UBL7: variants seen among roughly 807,000 people sequenced by gnomAD.
The protein encoded by UBL7 is ubiquitin like 7, also known as ubiquitin-like protein 7.
UBL7 carries 21 observed loss-of-function variants against 41.7 expected under a neutral mutation model. The ratio of observed to expected loss-of-function variants is 0.50; its 90% CI spans 0.36 to 0.73. UBL7 has a LOEUF of 0.73. Ranked by LOEUF, UBL7 falls within the 30% of genes least tolerant of loss-of-function variation. The probability of loss-of-function intolerance (pLI) is 0.00; values close to 1 mark genes in which losing one functional copy is unlikely to be tolerated. For missense variants in UBL7, 403 were observed against 478.4 expected, an observed-to-expected ratio of 0.84 and a Z score of 1.47; for synonymous variants, 157 against 186.9, an observed-to-expected ratio of 0.84 and a Z score of 1.31.
intron 3 of UBL7, among the ~76,000 whole-genome samples, chr15:74,454,093 C>T (rs556644398): frequency 3.9e-5 from 6 of 152,208 alleles, no homozygotes; most frequent in Non-Finnish European, 5.9e-5. Flanking sequence ...TGGTCCATAT[C>T]CCAGCTCTTG....
intron 2 of UBL7, among the ~76,000 whole-genome samples, chr15:74,457,363 G>A (rs2061304508): frequency 6.6e-6 from 1 of 152,062 alleles, no homozygotes; most frequent in Non-Finnish European, 1.5e-5. Context: ...GGCCAAGATG[G>A]TAAACCTCGT....
rs1284150810 is a variant in UBL7 at position 74,450,051 on chromosome 15, T to C, written c.549A>G (p.Pro183=). 1 of 1,613,480 alleles carries C rather than the reference T, an allele frequency of 6.2e-7. No individual in the cohort carries two copies. The highest frequency in any genetic ancestry group is 2.2e-5 in the East Asian group (1 of 44,874). ...CCAGGACAATGGCATTGACGAGGGC[T>C]GGGTGAGCAGGCACCAACCTAGGAT... ...NMLDTLVPAH[P]ALVNAIVLVL... is the part of the protein sequence containing the mutation. The change falls in exon 7 of 11, where the codon CCA becomes CCG. Residue 183 remains proline, a synonymous_variant. Transcript: ENST00000395081.
At chr15:74,457,495 A>G (rs1210114892) in intron 2 of UBL7, among the ~76,000 whole-genome samples, 1 of 152,116 alleles carries the variant, frequency 6.6e-6, no homozygotes, top group Non-Finnish European at 1.5e-5. Flanking sequence ...GTGAGCCAAG[A>G]TCACACCACT....
intron 4 of UBL7, among the ~76,000 whole-genome samples, 180 bp downstream of exon 4, chr15:74,452,116 T>A (rs1410004470): frequency 6.6e-6 from 1 of 152,210 alleles, no homozygotes; most frequent in East Asian, 1.9e-4. Context: ...AACGCCTGAC[T>A]GAGACAGGCT....
intron 8 of UBL7, 66 bp from the exon 9 acceptor site, chr15:74,449,419 A>C: frequency 1.9e-6 from 3 of 1,580,262 alleles, no homozygotes; most frequent in Non-Finnish European, 2.6e-6. Context: ...AACTCCACCC[A>C]CCTCCAGCAA....
rs767497753 is a variant in UBL7 at position 74,446,617 on chromosome 15, G to C, written c.1006-390C>G. On this transcript the variant is annotated intron_variant, in intron 10 of 10. Transcript: ENST00000395081. This position sits in a 1 kb window ranked among gnomAD's most constrained non-coding sequence, Gnocchi z 4.1. ...TTTGTTAGCCTTTGGACTTTGCTTC[G>C]GTTTTTTGTTTGGTTTGGTTTGCCA... Among the ~76,000 whole-genome samples, 63 of 152,074 alleles carry C rather than the reference G, an allele frequency of 4.1e-4. No homozygotes were observed. Among genetic ancestry groups the C allele is most frequent in the Middle Eastern group, 3.4e-3 (1 of 294 alleles).
rs573097305 is a variant in UBL7, at chr15:74,446,057, C to T, written c.*33G>A. ...TGCCTCCCAAGGGCAGTAGCCTCTG[C>T]AACTTGCTGGGGGTTCAGGGGAAGC... On this transcript the variant is annotated 3_prime_UTR_variant, in exon 11 of 11. Coordinates refer to ENST00000395081, the MANE Select transcript of UBL7 (RefSeq NM_032907.5). This position sits in a 1 kb window ranked among gnomAD's most constrained non-coding sequence, Gnocchi z 4.1. 6.2e-7 allele frequency: 1 copy of T among 1,610,236 alleles called. No homozygotes were observed. Among genetic ancestry groups the T allele is most frequent in the Non-Finnish European group, 8.5e-7 (1 of 1,178,004 alleles).
chr15:74,456,481 A>G, intron 3 of UBL7, 71 bp downstream of exon 3: 1 of 1,587,348 alleles, frequency 6.3e-7, no homozygotes, highest in Non-Finnish European at 8.6e-7. Context: ...CTTGTGCCTC[A>G]AGAACACACA....
At chr15:74,454,502 G>T (rs905009016) in intron 3 of UBL7, among the ~76,000 whole-genome samples, 1 of 152,004 alleles carries the variant, frequency 6.6e-6, no homozygotes, top group Non-Finnish European at 1.5e-5. Flanking sequence ...GGGTTCAACC[G>T]ATTCTCCTGC....
rs1411877788 is a variant in UBL7, at chr15:74,446,031, G to C, written c.*59C>G. ...GGGAGAGATGGAGGCACCTTCATGA[G>C]TGCCTCCCAAGGGCAGTAGCCTCTG... On this transcript the variant is annotated 3_prime_UTR_variant, in exon 11 of 11. Coordinates refer to ENST00000395081, the MANE Select transcript of UBL7 (RefSeq NM_032907.5). The surrounding 1 kb of genome is among the most constrained non-coding windows in gnomAD (Gnocchi z 4.1). 12 of 1,588,322 alleles carry C rather than the reference G, an allele frequency of 7.6e-6. No homozygotes were observed. The highest frequency in any genetic ancestry group is 1.9e-4 in the Middle Eastern group (1 of 5,154).
chr15:74,446,465 G>A lies in UBL7; in HGVS notation c.1006-238C>T, dbSNP rs1207520515. Reference sequence around the variant, plus strand: ...AATTCTTGGCATAAGGATCAAAAGAGAATGTACAAATTATTCACTGTCTGA... The same window carrying A: ...AATTCTTGGCATAAGGATCAAAAGAAAATGTACAAATTATTCACTGTCTGA... On this transcript the variant is annotated intron_variant, in intron 10 of 10. Coordinates refer to ENST00000395081, the MANE Select transcript of UBL7 (RefSeq NM_032907.5). This position sits in a 1 kb window ranked among gnomAD's most constrained non-coding sequence, Gnocchi z 4.1. Among the ~76,000 whole-genome samples the A allele has an allele frequency of 1.3e-5, 2 of 152,212 alleles. No individual in the cohort carries two copies. The highest frequency in any genetic ancestry group is 2.1e-4 in the South Asian group (1 of 4,828).
chr15:74,447,820 T>C (rs2061199558), intron 10 of UBL7, among the ~76,000 whole-genome samples: 1 of 152,146 alleles, frequency 6.6e-6, no homozygotes, highest in South Asian at 2.1e-4. Context: ...AGGCTCCTGC[T>C]CTTTCTCTGG....
In UBL7 at chr15:74,446,392, G is replaced by A. The variant is rs2061184198; in HGVS notation, c.1006-165C>T. Among the ~76,000 whole-genome samples, 1 of 152,204 alleles carries A rather than the reference G, an allele frequency of 6.6e-6. No individual in the cohort carries two copies. The highest frequency in any genetic ancestry group is 6.5e-5 in the Admixed American group (1 of 15,280). Reference sequence around the variant, plus strand: ...TGCTTCTAGGAAGACTAAAAGATAGGCTTGAGGGTTAAGAGAACAAATCCA... The same window carrying A: ...TGCTTCTAGGAAGACTAAAAGATAGACTTGAGGGTTAAGAGAACAAATCCA... On this transcript the variant is annotated intron_variant, in intron 10 of 10. Transcript: ENST00000395081. The surrounding 1 kb of genome is among the most constrained non-coding windows in gnomAD (Gnocchi z 4.1).
rs756889073 is a variant in UBL7, at chr15:74,446,739, G to A, written c.1006-512C>T. Among the ~76,000 whole-genome samples, 4 of 152,004 alleles carry A rather than the reference G, an allele frequency of 2.6e-5. No individual in the cohort carries two copies. The highest frequency in any genetic ancestry group is 4.8e-5 in the African/African-American group (2 of 41,374). ...CTGTAAGAGATGTTTTAAATTTTTCGCTTTTACAAACCCAAAATGCATAAC... is the reference window on the plus strand; with the variant it reads ...CTGTAAGAGATGTTTTAAATTTTTCACTTTTACAAACCCAAAATGCATAAC... On this transcript the variant is annotated intron_variant, in intron 10 of 10. Transcript: ENST00000395081. This position sits in a 1 kb window ranked among gnomAD's most constrained non-coding sequence, Gnocchi z 4.1.
chr15:74,456,730 G>A (rs2061298819), intron 2 of UBL7, 59 bp from the exon 3 acceptor site: 1 of 1,574,298 alleles, frequency 6.4e-7, no homozygotes, highest in African/African-American at 1.4e-5. Context: ...CATGGTTTTT[G>A]TCCCGAGAAC....
intron 1 of UBL7, among the ~76,000 whole-genome samples, chr15:74,459,557 T>C (rs562173901): frequency 4.8e-4 from 73 of 151,362 alleles, no homozygotes; most frequent in South Asian, 1.5e-3. Context: ...GACCTCGTGA[T>C]CCACCTGCCT....
Position 74,449,372 on chromosome 15 carries a change from CAG to C in UBL7, c.715-21_715-20del. On this transcript the variant is annotated intron_variant, in intron 8 of 10. Coordinates refer to ENST00000395081, the MANE Select transcript of UBL7 (RefSeq NM_032907.5). Reference sequence around the variant, plus strand: ...TGGTGTTCTGGAGAAAGAAGACACTCAGAATCAGGGAAGCAGTACTGTGAAAC... The same window carrying C: ...TGGTGTTCTGGAGAAAGAAGACACTCAATCAGGGAAGCAGTACTGTGAAAC... 1 of 1,613,542 alleles carries C rather than the reference CAG, an allele frequency of 6.2e-7. No individual in the cohort carries two copies. Among genetic ancestry groups the C allele is most frequent in the Non-Finnish European group, 8.5e-7 (1 of 1,179,734 alleles).
rs751323710 is a variant in UBL7 at position 74,456,610 on chromosome 15, T to A, written c.246A>T (p.Gln82His). The change falls in exon 3 of 11, where the codon CAA (glutamine) becomes CAT (histidine). Residue 82 changes from glutamine to histidine, a missense_variant. Physicochemically the swap from Gln to His is conservative, Grantham distance 24. Transcript: ENST00000395081. ...GCAGAACATGGACAGTGGACCCAGG[T>A]TGAATGCCATAGAAGTCAAGTGTCT... ...DDQTLDFYGI[Q>H]PGSTVHVLRK... 8.6e-5 allele frequency: 139 copies of A among 1,614,136 alleles called. No homozygotes were observed. The highest frequency in any genetic ancestry group is 1.1e-4 in the Non-Finnish European group (134 of 1,180,002).
At chr15:74,458,939 A>T (rs1277158421) in intron 1 of UBL7, 43 bp from the exon 2 acceptor site, 18 of 1,562,844 alleles carry the variant, frequency 1.2e-5, no homozygotes, top group Non-Finnish European at 1.6e-5. Context: ...ACAGACCACC[A>T]CTCTACTCCA....
Sources: allele counts gnomAD v4.1 joint callset (sites outside exome capture counted in the v4.1 genomes callset), GRCh38; gene constraint gnomAD v4.1.1; non-coding constraint Gnocchi (gnomAD v3.1); transcripts MANE v1.5; gene names NCBI Gene and HGNC (gene_info 2026-07-23, HGNC 2026-07-21).